The following CHRNB1 variants were observed in gnomAD, a reference collection of about 807,000 sequenced individuals.
The protein encoded by CHRNB1 is cholinergic receptor nicotinic beta 1 subunit, also known as acetylcholine receptor subunit beta.
In CHRNB1, 47 loss-of-function variants were observed where a neutral mutation model predicts 53.8. That is an observed-to-expected ratio of 0.87 (90% CI 0.69 to 1.11). The LOEUF (loss-of-function observed/expected upper bound fraction) is 1.11, where lower values mean the gene tolerates loss of function less well. Ranked by LOEUF, CHRNB1 falls within the 50% of genes most tolerant of loss-of-function variation. The probability of loss-of-function intolerance (pLI) is 0.00; values close to 1 mark genes in which losing one functional copy is unlikely to be tolerated. For synonymous variants in CHRNB1, 259 were observed against 263.5 expected (o/e 0.98, Z 0.16); for missense variants, 605 against 654.9 (o/e 0.92, Z 0.83).
chr17:7,447,350 G>C (rs1057388950), intron 5 of CHRNB1, 153 bp from the exon 6 acceptor site: 1 of 973,634 alleles, frequency 1.0e-6, no homozygotes, highest in East Asian at 2.5e-5. Context: ...CTCAGTGACC[G>C]CCCTCCCCAT....
rs1462804675 is a variant in CHRNB1, at chr17:7,452,212, T to A, written c.821-2085T>A. Among the ~76,000 whole-genome samples, 3 of 152,014 alleles carry A rather than the reference T, an allele frequency of 2.0e-5. 1 individual carries two copies. The highest frequency in any genetic ancestry group is 4.4e-5 in the Non-Finnish European group (3 of 67,986). Reference sequence around the variant, plus strand: ...CTGGGATTCCAGTCACACACCACGATGCCCAGCTAAATTTTTTGTAATTTA... The same window carrying A: ...CTGGGATTCCAGTCACACACCACGAAGCCCAGCTAAATTTTTTGTAATTTA... On this transcript the variant is annotated intron_variant, in intron 7 of 10. Transcript: ENST00000306071.
Position 7,445,084 on chromosome 17 carries a change from C to T in CHRNB1, c.-44C>T, listed in dbSNP as rs1425333561. The T allele has an allele frequency of 2.5e-6, 4 of 1,590,804 alleles. No individual in the cohort carries two copies. The Admixed American group carries it at 7.0e-5, about 28-fold the overall frequency. The stretch of plus-strand genomic sequence containing the variant: ...TCGTCACTTCCCCTGTGCTGGCGGT[C>T]CCAGCGGCTCTCTGAGCGAAGTCAC... On this transcript the variant is annotated 5_prime_UTR_variant, in exon 1 of 11. Transcript: ENST00000306071. The surrounding 1 kb of genome is among the most constrained non-coding windows in gnomAD (Gnocchi z 5.7).
intron 10 of CHRNB1, 118 bp from the exon 11 acceptor site, chr17:7,456,465 C>T (rs954763963): frequency 3.8e-6 from 5 of 1,322,974 alleles, no homozygotes; most frequent in Admixed American, 1.7e-5. Context: ...TTGGCGCTGC[C>T]GGCTGTTGCC....
In CHRNB1 at chr17:7,455,855, G is replaced by A. The variant is rs753293826; in HGVS notation, c.1279G>A (p.Val427Met). 1 of 1,614,126 alleles carries A rather than the reference G, an allele frequency of 6.2e-7. No homozygotes were observed. The change falls in exon 10 of 11, where the codon GTG becomes ATG. Residue 427 changes from valine to methionine, a missense_variant. Coordinates refer to ENST00000306071, the MANE Select transcript of CHRNB1 (RefSeq NM_000747.3). ...ATTTATCGATGGTCCAAACCGGGCT[G>A]TGGCCCTGCTTCCGGAGCTACGGGA... ...RRFIDGPNRA[V>M]ALLPELREVV...
rs76927517 is a variant in CHRNB1, at chr17:7,455,835, T to C, written c.1259T>C (p.Ile420Thr). The change falls in exon 10 of 11, where the codon ATC becomes ACC. Residue 420 changes from isoleucine (I) to threonine (T), a missense_variant. Transcript: ENST00000306071. ...TCTGCCCCTGATCTGCGGCGATTTA[T>C]CGATGGTCCAAACCGGGCTGTGGCC... Reference protein sequence around the residue: ...ELSAPDLRRFIDGPNRAVALL... With the variant: ...ELSAPDLRRFTDGPNRAVALL... 3,212 of 1,614,098 alleles carry C rather than the reference T, an allele frequency of 2.0e-3. 38 individuals carry two copies. The African/African-American group carries it at 0.034, about 17-fold the overall frequency.
In CHRNB1 at chr17:7,447,061, C is replaced by A. The variant is rs1218340985; in HGVS notation, c.372C>A (p.Asp124Glu). The change falls in exon 5 of 11, where the codon GAC becomes GAA. Residue 124 changes from aspartate to glutamate, a missense_variant. Asp to Glu is a conservative substitution (Grantham distance 45). Coordinates refer to ENST00000306071, the MANE Select transcript of CHRNB1 (RefSeq NM_000747.3). Reference protein sequence around the residue: ...VLLNNNDGNFDVALDISVVVS... With the variant: ...VLLNNNDGNFEVALDISVVVS... Reference sequence around the variant, plus strand: ...TCTGCAGCAATGATGGGAATTTTGACGTGGCTCTGGACATTAGCGTCGTGG... The same window carrying A: ...TCTGCAGCAATGATGGGAATTTTGAAGTGGCTCTGGACATTAGCGTCGTGG... The A allele has an allele frequency of 6.2e-7, 1 of 1,614,060 alleles. No homozygotes were observed. The highest frequency in any genetic ancestry group is 1.7e-5 in the Admixed American group (1 of 60,006).
chr17:7,447,193 A>G (rs1298775781), intron 5 of CHRNB1, 42 bp downstream of exon 5: 4 of 1,530,826 alleles, frequency 2.6e-6, no homozygotes, highest in Non-Finnish European at 3.6e-6. Flanking sequence ...GCTCTTACAA[A>G]TCCTCCCTTT....
In CHRNB1 at chr17:7,445,983, G is replaced by A. The variant is rs1456113171; in HGVS notation, c.199-86G>A. 2 of 1,215,290 alleles carry A rather than the reference G, an allele frequency of 1.6e-6. No individual in the cohort carries two copies. Among genetic ancestry groups the A allele is most frequent in the Non-Finnish European group, 2.4e-6 (2 of 818,422 alleles). 75.3% of individuals were successfully genotyped at this position (1,215,290 alleles called of 1,614,324 possible). ...ATGGGGCTCAGAAAAAGGGGGCGGC[G>A]TTCCCAGGAGAGAGGTTGGCCCCCC... On this transcript the variant is annotated intron_variant, in intron 2 of 10. Transcript: ENST00000306071. The surrounding 1 kb of genome is among the most constrained non-coding windows in gnomAD (Gnocchi z 5.7).
At chr17:7,449,643 C>T (rs1391772248) in intron 7 of CHRNB1, among the ~76,000 whole-genome samples, 1 of 151,976 alleles carries the variant, frequency 6.6e-6, no homozygotes. Context: ...CTCCTGAACT[C>T]AAGCGATCTG....
At chr17:7,453,361 C>T (rs1474583527) in intron 7 of CHRNB1, among the ~76,000 whole-genome samples, 7 of 152,180 alleles carry the variant, frequency 4.6e-5, no homozygotes, top group East Asian at 1.9e-4. Context: ...TCAGGTGATT[C>T]GCCTGCCTCG....
At chr17:7,455,708 A>G in intron 9 of CHRNB1, 86 bp from the exon 10 acceptor site, 1 of 1,571,552 alleles carries the variant, frequency 6.4e-7, no homozygotes, top group Non-Finnish European at 8.8e-7. Flanking sequence ...AGAACTGGCA[A>G]GTTGTTGGAG....
In CHRNB1 at chr17:7,445,271, C is replaced by T. The variant is rs1420882948; in HGVS notation, c.60C>T (p.Gly20=). ...TGCACTTATTCTCTCCTCCCCCAGG[C>T]GTCCGCGGCTCGGAGGCGGAGGGTC... The part of the protein sequence containing the change: ...LGALGAPLAP[G]VRGSEAEGRL... The change falls in exon 2 of 11, where the codon GGC becomes GGT. Residue 20 remains glycine (G), a splice_region_variant and synonymous_variant. Transcript: ENST00000306071. This position sits in a 1 kb window ranked among gnomAD's most constrained non-coding sequence, Gnocchi z 5.7. The T allele has an allele frequency of 6.2e-7, 1 of 1,612,930 alleles. No homozygotes were observed. The highest frequency in any genetic ancestry group is 8.5e-7 in the Non-Finnish European group (1 of 1,179,752).
At chr17:7,447,202 T>C in intron 5 of CHRNB1, 51 bp downstream of exon 5, 1 of 1,480,656 alleles carries the variant, frequency 6.8e-7, no homozygotes. Context: ...AATCCTCCCT[T>C]TCCTTAGACA....
In CHRNB1 at chr17:7,455,146, TG is replaced by T. The variant is rs1192665166; in HGVS notation, c.1045-137del. On this transcript the variant is annotated intron_variant, in intron 8 of 10. Transcript: ENST00000306071. Reference sequence around the variant, plus strand: ...TTAGGTCTGTGTGGCTGCATTTCCTTGTGTAGCTCGTTTGTGGAAGAATATG... The same window carrying T: ...TTAGGTCTGTGTGGCTGCATTTCCTTTGTAGCTCGTTTGTGGAAGAATATG... 5.1e-6 allele frequency: 5 copies of T among 988,974 alleles called. No individual in the cohort carries two copies. In the East Asian group the frequency reaches 9.8e-5, roughly 19 times the overall value. The allele number at this position is 988,974 out of a possible 1,614,324, so 61.3% of individuals were successfully genotyped here. A position where few individuals can be genotyped will look rare whatever the true frequency, so the allele number is the denominator to read the frequency against.
intron 7 of CHRNB1, among the ~76,000 whole-genome samples, chr17:7,453,741 T>C (rs1242598274): frequency 6.6e-6 from 1 of 151,758 alleles, no homozygotes; most frequent in African/African-American, 2.4e-5. Flanking sequence ...GCATGCGCCA[T>C]TGTGCCTGGC....
At position 7,445,744 on chromosome 17, in the gene CHRNB1, C is replaced by A; in HGVS notation, c.199-325C>A. On this transcript the variant is annotated intron_variant, in intron 2 of 10. Transcript: ENST00000306071. This position sits in a 1 kb window ranked among gnomAD's most constrained non-coding sequence, Gnocchi z 5.7. ...CCAGGGTGGGGCGGAGCTTGGTGCT[C>A]AGGGGTCAATAAATGGCAGCGGGTG... 1.3e-6 allele frequency: 1 copy of A among 747,674 alleles called. No homozygotes were observed. Among genetic ancestry groups the A allele is most frequent in the Non-Finnish European group, 2.1e-6 (1 of 476,600 alleles). The allele number at this position is 747,674 out of a possible 1,614,324, so 46.3% of individuals were successfully genotyped here.
At chr17:7,456,039 T>A in intron 10 of CHRNB1, 98 bp downstream of exon 10, 2 of 1,047,522 alleles carry the variant, frequency 1.9e-6, no homozygotes, top group Non-Finnish European at 2.8e-6. Context: ...TTTGTGTGGT[T>A]TTTTTTTGGC....
intron 3 of CHRNB1, chr17:7,446,420 C>T: frequency 1.9e-6 from 1 of 535,322 alleles, no homozygotes. Flanking sequence ...TGCGGGGGCT[C>T]GAGCCATCCA....
intron 3 of CHRNB1, 190 bp downstream of exon 3, chr17:7,446,303 T>TTGTGTGTGTGTG (rs370471983): frequency 1.3e-4 from 62 of 477,890 alleles, no homozygotes; most frequent in Admixed American, 1.0e-3. Flanking sequence ...AATTCCAATT[T>TTGTGTGTGTGTG]TGTGTGTGTG....
Sources: allele counts gnomAD v4.1 joint callset (sites outside exome capture counted in the v4.1 genomes callset), GRCh38; gene constraint gnomAD v4.1.1; non-coding constraint Gnocchi (gnomAD v3.1); transcripts MANE v1.5; gene names NCBI Gene and HGNC (gene_info 2026-07-23, HGNC 2026-07-21).